The following PCDH9 variants were observed in gnomAD, a reference collection of about 807,000 sequenced individuals.
PCDH9 encodes the protein protocadherin-9.
A neutral mutation model predicts 70.6 loss-of-function variants in PCDH9; 24 were observed. The ratio of observed to expected loss-of-function variants is 0.34; its 90% CI spans 0.25 to 0.48. The LOEUF (loss-of-function observed/expected upper bound fraction) is 0.48, where lower values mean the gene tolerates loss of function less well. Ranked by LOEUF, PCDH9 falls within the 20% of genes least tolerant of loss-of-function variation. The pLI, the probability that PCDH9 is intolerant of heterozygous loss-of-function variation, is 0.99. For missense variants in PCDH9, 1,281 were observed against 1,503.6 expected, an observed-to-expected ratio of 0.85 and a Z score of 2.45; for synonymous variants, 562 against 558.5, an observed-to-expected ratio of 1.01 and a Z score of -0.09.
chr13:66,468,229 G>A (rs553983521), intron 4 of PCDH9, among the ~76,000 whole-genome samples: 1 of 152,132 alleles, frequency 6.6e-6, no homozygotes, highest in South Asian at 2.1e-4. Context: ...AACCTTCAAT[G>A]TGTTGCTTGT....
chr13:66,530,153 T>C (rs1323726733), intron 4 of PCDH9, among the ~76,000 whole-genome samples: 1 of 152,084 alleles, frequency 6.6e-6, no homozygotes, highest in Non-Finnish European at 1.5e-5. Context: ...TTAATTTCCT[T>C]TTAAGCTCCT....
chr13:66,667,395 G>A (rs751294194), intron 3 of PCDH9, among the ~76,000 whole-genome samples: 1 of 152,122 alleles, frequency 6.6e-6, no homozygotes, highest in Admixed American at 6.5e-5. Flanking sequence ...CTATTTTACA[G>A]AATGGATGTT....
chr13:66,523,905 T>G (rs1264103019), intron 4 of PCDH9, among the ~76,000 whole-genome samples: 1 of 152,060 alleles, frequency 6.6e-6, no homozygotes, highest in Non-Finnish European at 1.5e-5. Flanking sequence ...ATAGATAGTT[T>G]TATAATGGGT....
At chr13:66,870,072 T>C (rs1457814321) in intron 3 of PCDH9, among the ~76,000 whole-genome samples, 8 of 152,190 alleles carry the variant, frequency 5.3e-5, no homozygotes, top group Non-Finnish European at 7.4e-5. Context: ...CATTTAAGTC[T>C]TTAATCCATC....
intron 3 of PCDH9, among the ~76,000 whole-genome samples, chr13:66,632,764 C>A (rs2077588069): frequency 6.6e-6 from 1 of 151,998 alleles, no homozygotes; most frequent in African/African-American, 2.4e-5. Flanking sequence ...TTTGAATAAA[C>A]CTAGTTTTCT....
intron 3 of PCDH9, among the ~76,000 whole-genome samples, chr13:66,898,581 C>A (rs9571687): frequency 0.39 from 59,091 of 151,510 alleles, 12,359 homozygotes; most frequent in African/African-American, 0.56. Flanking sequence ...AATCATGAAG[C>A]ACAGGAAAAT....
intron 2 of PCDH9, among the ~76,000 whole-genome samples, chr13:66,977,941 T>C (rs2083654852): frequency 6.6e-6 from 1 of 152,182 alleles, no homozygotes; most frequent in South Asian, 2.1e-4. Context: ...AAGCACATAA[T>C]GCAGACAGAT....
At chr13:66,925,915 T>C (rs922953374) in intron 2 of PCDH9, among the ~76,000 whole-genome samples, 2 of 152,006 alleles carry the variant, frequency 1.3e-5, no homozygotes, top group Admixed American at 6.6e-5. Context: ...GCAATAGTAA[T>C]ACCCAAATTA....
intron 3 of PCDH9, among the ~76,000 whole-genome samples, chr13:66,804,389 T>C (rs2080378628): frequency 6.6e-6 from 1 of 152,142 alleles, no homozygotes; most frequent in Admixed American, 6.5e-5. Context: ...ATAATACCTT[T>C]CAAGACACTT....
chr13:66,919,891 G>A (rs1012106716), intron 2 of PCDH9, among the ~76,000 whole-genome samples: 2 of 150,878 alleles, frequency 1.3e-5, no homozygotes, highest in South Asian at 2.1e-4. Flanking sequence ...TATATTATTC[G>A]TATTTCTTAT....
intron 4 of PCDH9, among the ~76,000 whole-genome samples, chr13:66,538,023 A>T (rs1015967495): frequency 1.3e-5 from 2 of 152,172 alleles, no homozygotes; most frequent in Admixed American, 1.3e-4. Context: ...AAAAGGTAAA[A>T]TATGTTTTTC....
chr13:67,037,697 C>T (rs1396841449), intron 2 of PCDH9, among the ~76,000 whole-genome samples: 1 of 152,106 alleles, frequency 6.6e-6, no homozygotes, highest in African/African-American at 2.4e-5. Flanking sequence ...TTTCATGTGG[C>T]AGATATATTT....
chr13:66,529,580 G>C (rs564467402), intron 4 of PCDH9, among the ~76,000 whole-genome samples: 8 of 151,946 alleles, frequency 5.3e-5, no homozygotes, highest in African/African-American at 1.9e-4. Flanking sequence ...CTAGAATGTT[G>C]AATAAAAACA....
intron 4 of PCDH9, among the ~76,000 whole-genome samples, chr13:66,524,405 T>G (rs1044355182): frequency 6.6e-6 from 1 of 152,024 alleles, no homozygotes; most frequent in African/African-American, 2.4e-5. Flanking sequence ...AAGACTAAAA[T>G]TTTATTCTTG....
chr13:66,427,840 G>A (rs971157991), intron 4 of PCDH9, among the ~76,000 whole-genome samples: 2 of 151,396 alleles, frequency 1.3e-5, no homozygotes, highest in African/African-American at 2.4e-5. Flanking sequence ...TAAAGTGTTC[G>A]GTTAGTCATT....
At chr13:66,888,722 A>G (rs753725297) in intron 3 of PCDH9, among the ~76,000 whole-genome samples, 13 of 152,220 alleles carry the variant, frequency 8.5e-5, no homozygotes, top group Non-Finnish European at 1.8e-4. Flanking sequence ...AGAACAGGAA[A>G]GACAATCTGA....
intron 2 of PCDH9, among the ~76,000 whole-genome samples, chr13:67,006,846 A>G (rs1320205414): frequency 1.3e-5 from 2 of 152,152 alleles, no homozygotes; most frequent in African/African-American, 4.8e-5. Flanking sequence ...TAATGACTTC[A>G]TTACAATTTC....
At chr13:67,006,880 GA>G (rs1566358594) in intron 2 of PCDH9, among the ~76,000 whole-genome samples, 1 of 151,998 alleles carries the variant, frequency 6.6e-6, no homozygotes, top group Non-Finnish European at 1.5e-5. Flanking sequence ...ACATTTAAAG[GA>G]AAATACAACT....
In PCDH9 at chr13:66,631,168, C is replaced by G. The variant is rs761190649; in HGVS notation, c.3340+42G>C. The G allele has an allele frequency of 2.9e-6, 3 of 1,017,352 alleles. No individual in the cohort carries two copies. In the Admixed American group the frequency reaches 5.1e-5, roughly 17 times the overall value. The allele number at this position is 1,017,352 out of a possible 1,614,324, so 63.0% of individuals were successfully genotyped here. A position where few individuals can be genotyped will look rare whatever the true frequency, so the allele number is the denominator to read the frequency against. On this transcript the variant is annotated intron_variant, in intron 4 of 4. Coordinates refer to ENST00000377865, the MANE Select transcript of PCDH9 (RefSeq NM_203487.3). ...TTGAAAGCTCAAGTGCACTACAAAA[C>G]CAGAACAACTCCAAGCAATCAAAAT...
Sources: allele counts gnomAD v4.1 joint callset (sites outside exome capture counted in the v4.1 genomes callset), GRCh38; gene constraint gnomAD v4.1.1; transcripts MANE v1.5; gene names NCBI Gene and HGNC (gene_info 2026-07-23, HGNC 2026-07-21).